The following SCN1A variants were observed in gnomAD, a reference collection of about 807,000 sequenced individuals.
SCN1A encodes the protein sodium voltage-gated channel alpha subunit 1.
Under a neutral mutation model 193.7 loss-of-function variants are expected in SCN1A, and 13 were observed. The ratio of observed to expected loss-of-function variants is 0.07; its 90% CI spans 0.04 to 0.11. The LOEUF (loss-of-function observed/expected upper bound fraction) is 0.11. SCN1A is among the 10% of genes least tolerant of loss of function. The probability of loss-of-function intolerance (pLI) is 1.00; values close to 1 mark genes in which losing one functional copy is unlikely to be tolerated. For missense variants in SCN1A, 1,432 were observed against 2,451.1 expected (o/e 0.58, Z 8.78); for synonymous variants, 781 against 843.6 (o/e 0.93, Z 1.29).
At chr2:166,070,910 T>G (rs746581838) in intron 4 of SCN1A, among the ~76,000 whole-genome samples, 1 of 152,180 alleles carries the variant, frequency 6.6e-6, no homozygotes, top group African/African-American at 2.4e-5. Context: ...GATACTAAAT[T>G]TCTTCCCTGT....
At chr2:166,015,261 G>A (rs1693119402) in intron 20 of SCN1A, among the ~76,000 whole-genome samples, 1 of 151,840 alleles carries the variant, frequency 6.6e-6, no homozygotes, top group Non-Finnish European at 1.5e-5. Flanking sequence ...AGTTTTAGCA[G>A]TCAGAAAGTT....
chr2:166,114,267 G>A (rs1194721349), intron 2 of SCN1A, among the ~76,000 whole-genome samples: 1 of 152,128 alleles, frequency 6.6e-6, no homozygotes, highest in Non-Finnish European at 1.5e-5. Flanking sequence ...ATTATTTTGT[G>A]CCTGTTTCTG....
At chr2:166,023,227 C>T (rs1694298315) in intron 19 of SCN1A, among the ~76,000 whole-genome samples, 1 of 152,176 alleles carries the variant, frequency 6.6e-6, no homozygotes, top group African/African-American at 2.4e-5. Flanking sequence ...CTTTATACAG[C>T]CAAACCACAT....
At chr2:166,041,706 T>G (rs1697212615) in intron 15 of SCN1A, among the ~76,000 whole-genome samples, 2 of 152,178 alleles carry the variant, frequency 1.3e-5, no homozygotes, top group African/African-American at 4.8e-5. Context: ...GCACTGACAT[T>G]GTGGCTCAGC....
At chr2:166,070,449 C>G (rs972683682) in intron 4 of SCN1A, among the ~76,000 whole-genome samples, 21 of 152,120 alleles carry the variant, frequency 1.4e-4, no homozygotes, top group African/African-American at 4.8e-4. Flanking sequence ...TGCCAAAATG[C>G]TTTTCTTTCC....
chr2:166,079,456 C>T (rs2106010211), intron 2 of SCN1A, among the ~76,000 whole-genome samples: 1 of 146,926 alleles, frequency 6.8e-6, no homozygotes, highest in Middle Eastern at 3.4e-3. Flanking sequence ...CTTTTTCCAT[C>T]AATTCGGTTT....
At chr2:166,055,465 A>G (rs1288358913) in intron 6 of SCN1A, among the ~76,000 whole-genome samples, 1 of 151,880 alleles carries the variant, frequency 6.6e-6, no homozygotes, top group Non-Finnish European at 1.5e-5. Context: ...TGTATATAAA[A>G]TTTATTATTT....
chr2:166,121,090 T>G (rs1462778788), intron 2 of SCN1A, among the ~76,000 whole-genome samples: 1 of 146,260 alleles, frequency 6.8e-6, no homozygotes, highest in Non-Finnish European at 1.5e-5. Flanking sequence ...GGAATTTTGG[T>G]GTTAAACATG....
chr2:166,029,887 AAGT>A (rs1695320689), intron 19 of SCN1A, among the ~76,000 whole-genome samples: 1 of 152,060 alleles, frequency 6.6e-6, no homozygotes, highest in African/African-American at 2.4e-5. Context: ...AGTGCTCTCT[AAGT>A]AGAATTAGAC....
At chr2:166,008,853 A>T (rs2033169) in intron 23 of SCN1A, among the ~76,000 whole-genome samples, 7,021 of 150,488 alleles carry the variant, frequency 0.047, 363 homozygotes, top group Admixed American at 0.13. Context: ...ATTTTTTTTT[A>T]AAAAAAAGCA....
Position 166,048,964 on chromosome 2 carries a change from A to G in SCN1A, c.965-15T>C. 1 of 1,542,532 alleles carries G rather than the reference A, an allele frequency of 6.5e-7. No individual in the cohort carries two copies. The highest frequency in any genetic ancestry group is 9.0e-7 in the Non-Finnish European group (1 of 1,115,270). On this transcript the variant is annotated splice_polypyrimidine_tract_variant and intron_variant, in intron 9 of 28. Coordinates refer to ENST00000674923, the MANE Select transcript of SCN1A (RefSeq NM_001165963.4). ...ATAATGATATCCTGTTTGAAAAAAG[A>G]AAGTCGTATGATGAACATTTGCATT...
At chr2:166,039,307 A>T in intron 17 of SCN1A, 116 bp downstream of exon 17, 1 of 1,035,062 alleles carries the variant, frequency 9.7e-7, no homozygotes, top group Non-Finnish European at 1.4e-6. Context: ...TGCAAATGTT[A>T]CAGAAAAACT....
chr2:166,073,004 A>C (rs1363819167), intron 4 of SCN1A, among the ~76,000 whole-genome samples: 1 of 151,786 alleles, frequency 6.6e-6, no homozygotes, highest in Admixed American at 6.6e-5. Context: ...CACGCCCAGC[A>C]AATTTTTTGT....
At chr2:166,106,912 A>G (rs1688757315) in intron 2 of SCN1A, among the ~76,000 whole-genome samples, 1 of 152,110 alleles carries the variant, frequency 6.6e-6, no homozygotes. Context: ...AGTGCCCAAT[A>G]CACTATTTCT....
At chr2:166,102,396 T>C (rs1028856422) in intron 2 of SCN1A, among the ~76,000 whole-genome samples, 1 of 149,936 alleles carries the variant, frequency 6.7e-6, no homozygotes, top group Non-Finnish European at 1.5e-5. Flanking sequence ...CTCAGGAGGC[T>C]GAGGCAGGAG....
intron 21 of SCN1A, 83 bp from the exon 22 acceptor site, chr2:166,012,365 T>G: frequency 1.9e-6 from 2 of 1,078,642 alleles, no homozygotes; most frequent in Non-Finnish European, 2.7e-6. Context: ...CATATGCATA[T>G]GACATTTCAT....
chr2:166,049,857 C>A (rs972849726), intron 9 of SCN1A, among the ~76,000 whole-genome samples: 5 of 151,588 alleles, frequency 3.3e-5, no homozygotes, highest in African/African-American at 9.7e-5. Flanking sequence ...TGTTTGAGAC[C>A]GGGTAGCCTT....
intron 19 of SCN1A, among the ~76,000 whole-genome samples, chr2:166,024,641 TTA>T (rs1303169356): frequency 6.6e-6 from 1 of 152,190 alleles, no homozygotes; most frequent in African/African-American, 2.4e-5. Context: ...GTTATATTTT[TTA>T]TGACTTGTCT....
At chr2:166,050,637 A>ATATATATATATATATATG (rs1553548987) in intron 9 of SCN1A, among the ~76,000 whole-genome samples, 8 of 77,164 alleles carry the variant, frequency 1.0e-4, no homozygotes, top group African/African-American at 4.1e-4. Context: ...ATATATATAT[A>ATATATATATATATATATG]TGTGTGTATA....
Sources: allele counts gnomAD v4.1 joint callset (sites outside exome capture counted in the v4.1 genomes callset), GRCh38; gene constraint gnomAD v4.1.1; transcripts MANE v1.5; gene names NCBI Gene and HGNC (gene_info 2026-07-23, HGNC 2026-07-21).